Variants in NUP210L observed in about 807,000 individuals in gnomAD.
NUP210L encodes the protein nuclear pore membrane glycoprotein 210-like.
NUP210L carries 74 observed loss-of-function variants against 208.5 expected under a neutral mutation model. That is an observed-to-expected ratio of 0.35 (90% confidence interval 0.29 to 0.43). The LOEUF is 0.43. Ranked by LOEUF, NUP210L falls within the 20% of genes least tolerant of loss-of-function variation. The probability of loss-of-function intolerance (pLI) is 1.00; values close to 1 mark genes in which losing one functional copy is unlikely to be tolerated. For synonymous variants in NUP210L, 780 were observed against 816.9 expected (o/e 0.95, Z 0.77); for missense variants, 1,843 against 2,289.4 (o/e 0.81, Z 3.98).
chr1:154,082,461 A>C (rs894358889), intron 16 of NUP210L, among the ~76,000 whole-genome samples: 18 of 152,220 alleles, frequency 1.2e-4, no homozygotes, highest in African/African-American at 3.9e-4. Context: ...TAGACAATTC[A>C]ATAATAGTTA....
chr1:154,033,075 GC>G (rs1652349880), intron 27 of NUP210L, among the ~76,000 whole-genome samples: 1 of 152,064 alleles, frequency 6.6e-6, no homozygotes, highest in African/African-American at 2.4e-5. Flanking sequence ...CCAATCTTTT[GC>G]CCATTTTAAA....
chr1:154,075,311 C>T (rs1172521753), intron 16 of NUP210L, among the ~76,000 whole-genome samples: 2 of 152,090 alleles, frequency 1.3e-5, no homozygotes, highest in Non-Finnish European at 2.9e-5. Flanking sequence ...GACATACCCA[C>T]GTATACATAT....
chr1:154,055,450 C>T (rs1312123400), intron 23 of NUP210L, among the ~76,000 whole-genome samples: 1 of 152,002 alleles, frequency 6.6e-6, no homozygotes, highest in East Asian at 1.9e-4. Context: ...AGGGTTTCAC[C>T]ATGTTGGCCA....
At chr1:154,022,176 G>T in exon 32 of NUP210L, 3 of 1,614,036 alleles carry the variant, frequency 1.9e-6, no homozygotes, top group South Asian at 1.1e-5. Context: ...TCCAACAAAG[G>T]TAAGCTTGGT....
chr1:154,031,048 GC>G (rs1212354327), intron 27 of NUP210L, among the ~76,000 whole-genome samples: 1 of 151,974 alleles, frequency 6.6e-6, no homozygotes, highest in Non-Finnish European at 1.5e-5. Flanking sequence ...GTGCCCAGCT[GC>G]ATTTATCCTT....
At chr1:154,136,045 T>TTCCTTTATGATC in intron 6 of NUP210L, 73 bp from the exon 7 acceptor site, 1 of 1,022,182 alleles carries the variant, frequency 9.8e-7, no homozygotes, top group Non-Finnish European at 1.5e-6. Context: ...TTCTTGATCA[T>TTCCTTTATGATC]AAAGGAATGA....
At chr1:154,126,693 A>T (rs966846251) in intron 9 of NUP210L, among the ~76,000 whole-genome samples, 1 of 152,194 alleles carries the variant, frequency 6.6e-6, no homozygotes, top group Non-Finnish European at 1.5e-5. Flanking sequence ...AGCAAGAGTC[A>T]AAGCTTATGC....
intron 23 of NUP210L, among the ~76,000 whole-genome samples, chr1:154,055,164 T>TTTCTTTCTTTCTTTCTTTC (rs1653778731): frequency 8.1e-6 from 1 of 123,880 alleles, no homozygotes; most frequent in Admixed American, 9.2e-5. Context: ...TCTTTCTTTC[T>TTTCTTTCTTTCTTTCTTTC]TTCTTTCTTT....
chr1:154,038,203 GCT>G (rs1571200567), intron 27 of NUP210L, among the ~76,000 whole-genome samples: 1 of 151,992 alleles, frequency 6.6e-6, no homozygotes, highest in Non-Finnish European at 1.5e-5. Flanking sequence ...TGCAATCTGG[GCT>G]CACTGTGACT....
chr1:153,994,285 A>C lies in NUP210L; in HGVS notation c.5491+791T>G, dbSNP rs542851479. ...ACTTCTGAGTGGTGTGTGTTTGCCA[A>C]ATCCAGTTTGTTGCTTCTTGGTAGT... On this transcript the variant is annotated intron_variant, in intron 38 of 39. Coordinates refer to ENST00000368559, the Ensembl canonical transcript of NUP210L. Among the ~76,000 whole-genome samples the C allele has an allele frequency of 3.3e-5, 5 of 152,214 alleles. No individual in the cohort carries two copies. In the South Asian group the frequency reaches 1.0e-3, roughly 32 times the overall value.
At chr1:154,038,346 T>A (rs985751117) in intron 27 of NUP210L, among the ~76,000 whole-genome samples, 1 of 150,696 alleles carries the variant, frequency 6.6e-6, no homozygotes, top group South Asian at 2.1e-4. Context: ...TCTTTTTTTT[T>A]TTTTTTTATT....
intron 4 of NUP210L, 21 bp from the exon 5 acceptor site, chr1:154,139,973 G>A (rs1217597005): frequency 5.0e-6 from 8 of 1,588,242 alleles, no homozygotes; most frequent in African/African-American, 4.1e-5. Flanking sequence ...AAAATAAAAT[G>A]TGTTTCTAGC....
intron 37 of NUP210L, among the ~76,000 whole-genome samples, chr1:153,996,803 T>G (rs904732937): frequency 6.6e-6 from 1 of 151,510 alleles, no homozygotes; most frequent in Non-Finnish European, 1.5e-5. Context: ...TTGGGAGCAC[T>G]CTGATTTGTA....
At chr1:154,127,108 TAAAA>T (rs5777889) in intron 9 of NUP210L, among the ~76,000 whole-genome samples, 199 bp downstream of exon 9, 2 of 132,552 alleles carry the variant, frequency 1.5e-5, no homozygotes, top group Non-Finnish European at 1.6e-5. Flanking sequence ...TGTGTCTCTT[TAAAA>T]AAAAAAAAAA....
chr1:154,001,099 A>G (rs1471261798), intron 36 of NUP210L, 39 bp from the exon 37 acceptor site: 3 of 1,555,060 alleles, frequency 1.9e-6, no homozygotes, highest in Admixed American at 1.7e-5. Flanking sequence ...AAAAGAAGAA[A>G]AATCAACTTT....
chr1:154,154,495 A>ATGAT (rs1659587751), intron 1 of NUP210L, among the ~76,000 whole-genome samples: 1 of 152,180 alleles, frequency 6.6e-6, no homozygotes, highest in Admixed American at 6.5e-5. Context: ...GGAAGTCATC[A>ATGAT]GTACCTGTGG....
intron 20 of NUP210L, 112 bp downstream of exon 20, chr1:154,060,428 A>G: frequency 1.5e-6 from 1 of 684,118 alleles, no homozygotes; most frequent in South Asian, 2.1e-5. Context: ...AAAGAAAGAA[A>G]GGAAAATGTT....
chr1:154,134,932 T>A (rs544551065), intron 7 of NUP210L, among the ~76,000 whole-genome samples: 35 of 150,382 alleles, frequency 2.3e-4, no homozygotes, highest in African/African-American at 8.3e-4. Context: ...GAGACGGGGT[T>A]TCTTCATGTT....
intron 2 of NUP210L, among the ~76,000 whole-genome samples, chr1:154,149,101 C>CTTTTTTTTTTTTTTTT: frequency 2.0e-5 from 1 of 48,992 alleles, no homozygotes; most frequent in Non-Finnish European, 3.9e-5. Flanking sequence ...TTTTTTTTTC[C>CTTTTTTTTTTTTTTTT]TGAGAAGGAG....
Sources: gnomAD v4.1 joint callset for allele counts (sites outside exome capture counted in the v4.1 genomes callset) on GRCh38, gnomAD v4.1.1 for gene constraint, MANE v1.5 for transcripts, NCBI Gene and HGNC (gene_info 2026-07-23, HGNC 2026-07-21) for gene names.